The following THADA variants were observed in gnomAD, a reference collection of about 807,000 sequenced individuals.
The protein encoded by THADA is tRNA (32-2'-O)-methyltransferase regulator THADA.
A neutral mutation model predicts 219.8 loss-of-function variants in THADA; 213 were observed. That is an observed-to-expected ratio of 0.97 (90% CI 0.87 to 1.09). THADA has a LOEUF of 1.09. Ranked by LOEUF, THADA falls within the 50% of genes least tolerant of loss-of-function variation. The probability of loss-of-function intolerance (pLI) is 0.00; values close to 1 mark genes in which losing one functional copy is unlikely to be tolerated. For synonymous variants in THADA, 1,018 were observed against 828.9 expected (o/e 1.23, Z -3.92); for missense variants, 2,956 against 2,311.3 (o/e 1.28, Z -5.72).
intron 29 of THADA, among the ~76,000 whole-genome samples, chr2:43,381,941 G>C (rs1239777487): frequency 2.6e-5 from 4 of 152,106 alleles, no homozygotes; most frequent in Non-Finnish European, 5.9e-5. Flanking sequence ...GACATGATGA[G>C]AATGGCAAAT....
At chr2:43,243,679 G>T (rs937928792) in intron 36 of THADA, among the ~76,000 whole-genome samples, 1 of 152,162 alleles carries the variant, frequency 6.6e-6, no homozygotes, top group Non-Finnish European at 1.5e-5. Flanking sequence ...CTGCCGCAGA[G>T]CCCTTTCTGT....
intron 29 of THADA, among the ~76,000 whole-genome samples, chr2:43,355,896 G>A (rs991226117): frequency 6.6e-6 from 1 of 152,122 alleles, no homozygotes; most frequent in African/African-American, 2.4e-5. Context: ...TATTATTTGT[G>A]TATATCTAAA....
chr2:43,260,875 C>T (rs1245063396), intron 36 of THADA, among the ~76,000 whole-genome samples: 1 of 152,156 alleles, frequency 6.6e-6, no homozygotes, highest in Non-Finnish European at 1.5e-5. Context: ...TATACCTATA[C>T]AAACTTTTAA....
At chr2:43,453,305 A>G (rs1438473059) in intron 26 of THADA, among the ~76,000 whole-genome samples, 1 of 152,240 alleles carries the variant, frequency 6.6e-6, no homozygotes, top group Admixed American at 6.5e-5. Context: ...TGCAGGAATT[A>G]GTCTTCCTTC....
intron 4 of THADA, 102 bp from the exon 5 acceptor site, chr2:43,587,104 T>C: frequency 1.6e-6 from 2 of 1,233,194 alleles, no homozygotes; most frequent in Non-Finnish European, 2.3e-6. Flanking sequence ...GAACTAAATC[T>C]TCAAAATACA....
chr2:43,392,892 A>G (rs756591893), intron 29 of THADA, among the ~76,000 whole-genome samples: 3 of 152,194 alleles, frequency 2.0e-5, no homozygotes, highest in African/African-American at 4.8e-5. Flanking sequence ...AGGACAGGGT[A>G]AGCAAGCTAC....
chr2:43,488,511 G>A (rs1434188266), intron 25 of THADA, among the ~76,000 whole-genome samples: 1 of 152,104 alleles, frequency 6.6e-6, no homozygotes, highest in East Asian at 1.9e-4. Context: ...GTATCAGTAT[G>A]TTATTCCTTT....
rs554719028 is a variant in THADA, at chr2:43,436,017, T to G, written c.3837-5715A>C. ...TTCTATTTAGCCACCTGGATTCTCT[T>G]AAAAGGATTAACCTAGTTCTAAATC... On this transcript the variant is annotated intron_variant, in intron 26 of 37. Transcript: ENST00000405975. Among the ~76,000 whole-genome samples, 5 of 152,150 alleles carry G rather than the reference T, an allele frequency of 3.3e-5. No individual in the cohort carries two copies. In the South Asian group the frequency reaches 1.0e-3, roughly 32 times the overall value.
intron 26 of THADA, among the ~76,000 whole-genome samples, chr2:43,453,433 T>A (rs1473618768): frequency 6.6e-6 from 1 of 152,190 alleles, no homozygotes; most frequent in African/African-American, 2.4e-5. Context: ...ATTTTGGACA[T>A]CTTAGCCATT....
intron 31 of THADA, among the ~76,000 whole-genome samples, chr2:43,298,402 T>C (rs1293113006): frequency 1.6e-5 from 2 of 122,408 alleles, no homozygotes; most frequent in South Asian, 6.2e-4. Flanking sequence ...GAAGGCAGCA[T>C]GCTCGTTAAG....
At chr2:43,595,850 G>GT (rs1282637014) in intron 1 of THADA, 81 bp downstream of exon 1, 1 of 152,286 alleles carries the variant, frequency 6.6e-6, no homozygotes, top group East Asian at 1.9e-4. Context: ...GGGAATTGGT[G>GT]TGGCTCGCCA....
At chr2:43,344,322 A>G in intron 29 of THADA, 85 bp from the exon 30 acceptor site, 2 of 941,736 alleles carry the variant, frequency 2.1e-6, no homozygotes, top group Non-Finnish European at 1.6e-6. Context: ...TTTCCTTAAA[A>G]TGTTCCCCTC....
chr2:43,299,078 A>C (rs927833888), intron 31 of THADA, among the ~76,000 whole-genome samples: 1 of 152,074 alleles, frequency 6.6e-6, no homozygotes, highest in African/African-American at 2.4e-5. Context: ...GAAAAATAAG[A>C]TCACCTTCCG....
chr2:43,570,361 T>C (rs1197022740), intron 14 of THADA, 27 bp downstream of exon 14: 1 of 1,569,600 alleles, frequency 6.4e-7, no homozygotes, highest in Non-Finnish European at 8.6e-7. Context: ...AAAAAAAAAC[T>C]CTCATGTTTA....
At chr2:43,587,999 A>C (rs1262774240) in intron 4 of THADA, among the ~76,000 whole-genome samples, 1 of 152,242 alleles carries the variant, frequency 6.6e-6, no homozygotes, top group Non-Finnish European at 1.5e-5. Flanking sequence ...ATTCAGAATA[A>C]GAAGAGTCAC....
chr2:43,570,290 A>T, intron 14 of THADA, 98 bp downstream of exon 14: 9 of 1,243,496 alleles, frequency 7.2e-6, no homozygotes, highest in Non-Finnish European at 9.9e-6. Flanking sequence ...ACAGAAACAC[A>T]ATTTACCAAG....
rs150595263 is a variant in THADA at position 43,575,936 on chromosome 2, C to G, written c.1038-909G>C. 6.0e-4 allele frequency among the ~76,000 whole-genome samples: 92 copies of G among 152,266 alleles called. 5 individuals are homozygous for G. The East Asian group carries it at 0.018, about 29-fold the overall frequency. On this transcript the variant is annotated intron_variant, in intron 10 of 37. Coordinates refer to ENST00000405975, the MANE Select transcript of THADA (RefSeq NM_022065.5). ...AATATTCTAAAGTTGTTTGAATTAA[C>G]TTTTAAGATGTTAAAACTTCATTTC... is the stretch of plus-strand genomic sequence containing the variant.
chr2:43,494,701 G>A (rs1234105476), intron 25 of THADA, among the ~76,000 whole-genome samples: 2 of 152,134 alleles, frequency 1.3e-5, no homozygotes, highest in African/African-American at 4.8e-5. Flanking sequence ...CCATTATTAT[G>A]ATTATGTGTT....
intron 28 of THADA, among the ~76,000 whole-genome samples, chr2:43,400,823 G>C (rs1246357313): frequency 6.6e-6 from 1 of 152,112 alleles, no homozygotes; most frequent in African/African-American, 2.4e-5. Flanking sequence ...CAGAATTACA[G>C]GCCTGTGAGT....
Sources: allele counts gnomAD v4.1 joint callset (sites outside exome capture counted in the v4.1 genomes callset), GRCh38; gene constraint gnomAD v4.1.1; transcripts MANE v1.5; gene names NCBI Gene and HGNC (gene_info 2026-07-23, HGNC 2026-07-21).